The following HECW2 variants were observed in gnomAD, a reference collection of about 807,000 sequenced individuals.
The protein encoded by HECW2 is E3 ubiquitin-protein ligase HECW2.
A neutral mutation model predicts 175.2 loss-of-function variants in HECW2; 61 were observed. The observed-to-expected ratio is 0.35, with a 90% confidence interval of 0.28 to 0.43. The LOEUF is 0.43. Among genes scored for constraint, HECW2 ranks in the 20% least tolerant of loss-of-function variants. The pLI is 1.00. For synonymous variants in HECW2, 671 were observed against 731.0 expected, an observed-to-expected ratio of 0.92 and a Z score of 1.32; for missense variants, 1,524 against 2,000.5, an observed-to-expected ratio of 0.76 and a Z score of 4.54.
chr2:196,431,824 T>C (rs1695722205), intron 2 of HECW2, among the ~76,000 whole-genome samples: 1 of 152,260 alleles, frequency 6.6e-6, no homozygotes, highest in Non-Finnish European at 1.5e-5. Flanking sequence ...TCATTAAAGC[T>C]TTGCCCAGTT....
rs1451262040 is a variant in HECW2, at chr2:196,295,053, C to T, written c.2815-2303G>A. Among the ~76,000 whole-genome samples, 3 of 152,228 alleles carry T rather than the reference C, an allele frequency of 2.0e-5. 1 individual carries two copies. In the South Asian group the frequency reaches 6.2e-4, roughly 32 times the overall value. On this transcript the variant is annotated intron_variant, in intron 13 of 28. Coordinates refer to ENST00000644978, the MANE Select transcript of HECW2 (RefSeq NM_001348768.2). ...AAGAAGAAAGAAGACCACAATGAAC[C>T]ATCCTTGAACCTTAATTCCTCAGTA... is the stretch of plus-strand genomic sequence containing the variant.
chr2:196,580,325 G>T (rs1451265599), intron 1 of HECW2, among the ~76,000 whole-genome samples: 1 of 151,978 alleles, frequency 6.6e-6, no homozygotes, highest in African/African-American at 2.4e-5. Flanking sequence ...TTTTTAAAAA[G>T]GTGAGTTGGA....
intron 2 of HECW2, among the ~76,000 whole-genome samples, chr2:196,402,148 C>G (rs1165775394): frequency 7.5e-6 from 1 of 133,888 alleles, no homozygotes; most frequent in Non-Finnish European, 1.5e-5. Context: ...TTGCAGTGAG[C>G]CGAGATGGCA....
At chr2:196,502,461 C>T (rs1012158321) in intron 1 of HECW2, among the ~76,000 whole-genome samples, 1 of 152,344 alleles carries the variant, frequency 6.6e-6, no homozygotes, top group African/African-American at 2.4e-5. Context: ...AAAGTTCAAA[C>T]TTCATGTTAG....
At chr2:196,295,837 T>A (rs923993477) in intron 13 of HECW2, among the ~76,000 whole-genome samples, 1 of 152,220 alleles carries the variant, frequency 6.6e-6, no homozygotes, top group African/African-American at 2.4e-5. Context: ...TAATTAATTA[T>A]GTCATTTCAT....
intron 1 of HECW2, among the ~76,000 whole-genome samples, chr2:196,579,011 T>C (rs1368501525): frequency 1.3e-5 from 2 of 152,186 alleles, no homozygotes; most frequent in Non-Finnish European, 2.9e-5. Context: ...AAAGCAATTA[T>C]TTAAAAAGTG....
chr2:196,524,110 C>T (rs1243735620), intron 1 of HECW2, among the ~76,000 whole-genome samples: 1 of 138,606 alleles, frequency 7.2e-6, no homozygotes, highest in Non-Finnish European at 1.5e-5. Flanking sequence ...TGGTCCTGGA[C>T]TCTTTTTGGT....
Position 196,201,325 on chromosome 2 carries a change from T to C in HECW2, c.4671A>G (p.Glu1557=). The C allele has an allele frequency of 6.2e-7, 1 of 1,613,736 alleles. No homozygotes were observed. Among genetic ancestry groups the C allele is most frequent in the Non-Finnish European group, 8.5e-7 (1 of 1,179,670 alleles). ...PPYPSFSMLY[E]KLLTAVEETS... is the part of the protein sequence containing the mutation. Reference sequence around the variant, plus strand: ...TTTCTTCAACTGCTGTCAACAGTTTTTCATAAAGCATGGAAAAGGATGGGT... The same window carrying C: ...TTTCTTCAACTGCTGTCAACAGTTTCTCATAAAGCATGGAAAAGGATGGGT... Residue 1557 remains glutamate (E), a synonymous_variant, in exon 29 of 29, where the codon GAA becomes GAG. Coordinates refer to ENST00000644978, the MANE Select transcript of HECW2 (RefSeq NM_001348768.2).
At chr2:196,363,352 T>G (rs746830195) in intron 2 of HECW2, among the ~76,000 whole-genome samples, 1 of 151,744 alleles carries the variant, frequency 6.6e-6, no homozygotes, top group Non-Finnish European at 1.5e-5. Flanking sequence ...ATGAGAAAAC[T>G]AAGGCTCACC....
chr2:196,382,227 G>GTATA (rs1491305904), intron 2 of HECW2, among the ~76,000 whole-genome samples: 12 of 134,358 alleles, frequency 8.9e-5, no homozygotes, highest in African/African-American at 3.9e-4. Flanking sequence ...GTGTGTGTGT[G>GTATA]TGTATATATA....
chr2:196,416,361 A>G (rs1021836208), intron 2 of HECW2, among the ~76,000 whole-genome samples: 1 of 152,202 alleles, frequency 6.6e-6, no homozygotes, highest in African/African-American at 2.4e-5. Context: ...AAAAAAAAGT[A>G]TTTCTATGTA....
intron 1 of HECW2, among the ~76,000 whole-genome samples, chr2:196,572,957 A>G (rs1226284891): frequency 6.6e-6 from 1 of 152,242 alleles, no homozygotes; most frequent in Non-Finnish European, 1.5e-5. Flanking sequence ...TAGCAGTCAG[A>G]GCTGACTAAG....
intron 3 of HECW2, among the ~76,000 whole-genome samples, chr2:196,339,951 C>A (rs545594645): frequency 1.9e-4 from 29 of 152,272 alleles, no homozygotes; most frequent in African/African-American, 7.0e-4. Flanking sequence ...GGACTACCTG[C>A]CTCCTCTGGG....
chr2:196,536,366 T>C (rs1689022259), intron 1 of HECW2, among the ~76,000 whole-genome samples: 1 of 152,170 alleles, frequency 6.6e-6, no homozygotes, highest in African/African-American at 2.4e-5. Context: ...AAGGGACTAC[T>C]GTAAAGGCCA....
intron 21 of HECW2, among the ~76,000 whole-genome samples, chr2:196,237,236 T>C (rs573603720): frequency 1.3e-5 from 2 of 152,278 alleles, no homozygotes; most frequent in African/African-American, 4.8e-5. Flanking sequence ...CAGGTGGTGT[T>C]TGGTTATACG....
intron 3 of HECW2, among the ~76,000 whole-genome samples, chr2:196,336,486 A>T (rs1692554292): frequency 6.6e-6 from 1 of 152,190 alleles, no homozygotes; most frequent in East Asian, 1.9e-4. Flanking sequence ...GCAGCACCTC[A>T]TAGATCAAAT....
chr2:196,237,375 A>C (rs1230980170), intron 21 of HECW2, among the ~76,000 whole-genome samples: 2 of 152,088 alleles, frequency 1.3e-5, no homozygotes, highest in Non-Finnish European at 2.9e-5. Flanking sequence ...CAAAAGTTCA[A>C]TGTATCATTC....
intron 14 of HECW2, among the ~76,000 whole-genome samples, chr2:196,286,402 T>TATATATATA (rs1391832927): frequency 2.6e-5 from 3 of 117,156 alleles, no homozygotes; most frequent in Non-Finnish European, 4.0e-5. Flanking sequence ...ATATATATAT[T>TATATATATA]TAAATCCATG....
chr2:196,482,363 C>T (rs954710168), intron 1 of HECW2, among the ~76,000 whole-genome samples: 2 of 152,232 alleles, frequency 1.3e-5, no homozygotes, highest in African/African-American at 2.4e-5. Flanking sequence ...TGCTGCCCTG[C>T]TCATGGTGGA....
Sources: allele counts gnomAD v4.1 joint callset (sites outside exome capture counted in the v4.1 genomes callset), GRCh38; gene constraint gnomAD v4.1.1; transcripts MANE v1.5; gene names NCBI Gene and HGNC (gene_info 2026-07-23, HGNC 2026-07-21).